BTBD1: variants seen among roughly 807,000 people sequenced by gnomAD.
BTBD1 encodes the protein BTB domain containing 1.
BTBD1 carries 34 observed loss-of-function variants against 48.0 expected under a neutral mutation model. That is an observed-to-expected ratio of 0.71 (90% confidence interval 0.54 to 0.94). The LOEUF is 0.94. Ranked by LOEUF, BTBD1 falls within the 40% of genes least tolerant of loss-of-function variation. The pLI, the probability that BTBD1 is intolerant of heterozygous loss-of-function variation, is 0.00. For missense variants in BTBD1, 543 were observed against 625.6 expected (o/e 0.87, Z 1.41); for synonymous variants, 261 against 242.1 (o/e 1.08, Z -0.72).
At position 83,054,330 on chromosome 15, in the gene BTBD1, C is replaced by T. The variant is rs557736731; in HGVS notation, c.558+2059G>A. ...CCAGGCTGGGCAACAGAGTTAGAAT[C>T]TGCCTCAAAAAAAAGAGAAAAAAGA... On this transcript the variant is annotated intron_variant, in intron 2 of 7. Coordinates refer to ENST00000261721, the MANE Select transcript of BTBD1 (RefSeq NM_025238.4). 2.6e-5 allele frequency among the ~76,000 whole-genome samples: 4 copies of T among 151,944 alleles called. No individual in the cohort carries two copies. The South Asian group carries it at 8.3e-4, about 32-fold the overall frequency.
Position 83,018,693 on chromosome 15 carries a change from T to TA in BTBD1, c.1290+13_1290+14insT, listed in dbSNP as rs780156164. ...CAAGAGGAAACCATCTGGAACATAG[T>TA]GCATGACTCTTACTTTGAGTGTTGC... On this transcript the variant is annotated intron_variant, in intron 7 of 7. Coordinates refer to ENST00000261721, the MANE Select transcript of BTBD1 (RefSeq NM_025238.4). The TA allele has an allele frequency of 6.2e-7, 1 of 1,613,182 alleles. No homozygotes were observed. The highest frequency in any genetic ancestry group is 1.1e-5 in the South Asian group (1 of 90,864).
In BTBD1 at chr15:83,019,871, G is replaced by A. The variant is rs574327365; in HGVS notation, c.1143+804C>T. Among the ~76,000 whole-genome samples the A allele has an allele frequency of 6.7e-5, 10 of 149,246 alleles. 1 individual carries two copies. In the South Asian group the frequency reaches 1.1e-3, roughly 16 times the overall value. Reference sequence around the variant, plus strand: ...TGGCCTCCCAAAGTGCTAGGAGGCCGAGGCAGGAGAATTGTGTGAACCCGG... The same window carrying A: ...TGGCCTCCCAAAGTGCTAGGAGGCCAAGGCAGGAGAATTGTGTGAACCCGG... On this transcript the variant is annotated intron_variant, in intron 6 of 7. Coordinates refer to ENST00000261721, the MANE Select transcript of BTBD1 (RefSeq NM_025238.4).
chr15:83,051,873 T>TACACACAC (rs766997533), intron 2 of BTBD1, among the ~76,000 whole-genome samples: 94 of 23,688 alleles, frequency 4.0e-3, no homozygotes, highest in African/African-American at 0.016. Flanking sequence ...TTTTTCCATA[T>TACACACAC]ATATACACAC....
chr15:83,018,912 A>G, intron 6 of BTBD1, 59 bp from the exon 7 acceptor site: 2 of 1,348,848 alleles, frequency 1.5e-6, no homozygotes, highest in South Asian at 2.4e-5. Context: ...AAACTATAGA[A>G]AATAATATAA....
intron 3 of BTBD1, chr15:83,044,252 G>A (rs1721819861): frequency 1.6e-6 from 1 of 627,976 alleles, no homozygotes; most frequent in East Asian, 2.7e-5. Flanking sequence ...AATATAGGCA[G>A]GTAAAATAAA....
chr15:83,018,646 A>G, intron 7 of BTBD1, 61 bp downstream of exon 7: 2 of 1,576,012 alleles, frequency 1.3e-6, no homozygotes, highest in Non-Finnish European at 1.7e-6. Flanking sequence ...CTCAGCTTCT[A>G]AAACACACAT....
At chr15:83,027,553 C>T (rs867765792) in intron 5 of BTBD1, among the ~76,000 whole-genome samples, 3 of 152,190 alleles carry the variant, frequency 2.0e-5, no homozygotes, top group Non-Finnish European at 4.4e-5. Context: ...CCCTTCTCCA[C>T]CTCTGTAGGA....
At chr15:83,061,015 G>A (rs549694976) in intron 1 of BTBD1, among the ~76,000 whole-genome samples, 4 of 152,300 alleles carry the variant, frequency 2.6e-5, no homozygotes, top group African/African-American at 7.2e-5. Context: ...ACCTTACACA[G>A]TCAGTCATGC....
chr15:83,018,809 G>T lies in BTBD1; in HGVS notation c.1188C>A (p.Thr396=), dbSNP rs559624330. 2 of 1,613,878 alleles carry T rather than the reference G, an allele frequency of 1.2e-6. No individual in the cohort carries two copies. Among genetic ancestry groups the T allele is most frequent in the South Asian group, 2.2e-5 (2 of 91,074 alleles). The change falls in exon 7 of 8, where the codon ACC becomes ACA. Residue 396 remains threonine (T), a synonymous_variant. Coordinates refer to ENST00000261721, the MANE Select transcript of BTBD1 (RefSeq NM_025238.4). ...EKKQTLGQND[T]GFSCDGTANT... is the part of the protein sequence containing the mutation. ...TAGCTGTCCCATCACAACTAAAGCC[G>T]GTATCATTCTGTCCCAGGGTTTGCT...
At chr15:83,061,943 G>T (rs888737282) in intron 1 of BTBD1, 1 of 152,220 alleles carries the variant, frequency 6.6e-6, no homozygotes, top group Non-Finnish European at 1.5e-5. Context: ...CCTGTGGGTG[G>T]AATTTTTACA....
At chr15:83,043,547 G>A (rs561277776) in intron 3 of BTBD1, among the ~76,000 whole-genome samples, 1 of 152,290 alleles carries the variant, frequency 6.6e-6, no homozygotes, top group African/African-American at 2.4e-5. Context: ...ATCAGTTGGA[G>A]GCTCTTGCAT....
In BTBD1 at chr15:83,047,980, G is replaced by T. The variant is rs534048691; in HGVS notation, c.664+2093C>A. Among the ~76,000 whole-genome samples, 39 of 152,308 alleles carry T rather than the reference G, an allele frequency of 2.6e-4. No individual in the cohort carries two copies. In the East Asian group the frequency reaches 7.3e-3, roughly 29 times the overall value. On this transcript the variant is annotated intron_variant, in intron 3 of 7. Coordinates refer to ENST00000261721, the MANE Select transcript of BTBD1 (RefSeq NM_025238.4). ...CATTCTGGCTGCCATGTAGAGAATG[G>T]AGTGTATGGGAGCAAGACTGCATGA...
intron 2 of BTBD1, among the ~76,000 whole-genome samples, chr15:83,053,432 C>T (rs1419650822): frequency 1.3e-5 from 2 of 152,020 alleles, no homozygotes; most frequent in African/African-American, 4.8e-5. Flanking sequence ...ACCTGTTAAT[C>T]CTTGCTACCC....
At chr15:83,045,640 C>T (rs2032863861) in intron 3 of BTBD1, among the ~76,000 whole-genome samples, 2 of 152,086 alleles carry the variant, frequency 1.3e-5, no homozygotes, top group East Asian at 1.9e-4. Flanking sequence ...AGGCTTAATA[C>T]CATGTTAAAA....
Position 83,035,079 on chromosome 15 carries a change from AG to A in BTBD1, c.863-4752del, listed in dbSNP as rs200279540. Among the ~76,000 whole-genome samples the A allele has an allele frequency of 7.9e-5, 12 of 152,292 alleles. No individual in the cohort carries two copies. The East Asian group carries it at 2.3e-3, about 29-fold the overall frequency. On this transcript the variant is annotated intron_variant, in intron 4 of 7. Coordinates refer to ENST00000261721, the MANE Select transcript of BTBD1 (RefSeq NM_025238.4). Reference sequence around the variant, plus strand: ...GAGGCCATGATGGGTGGATCACCTGAGGTCAGGAGTTTGAGACCAGTCTGGC... The same window carrying A: ...GAGGCCATGATGGGTGGATCACCTGAGTCAGGAGTTTGAGACCAGTCTGGC...
At chr15:83,065,816 G>C (rs757528654) in intron 1 of BTBD1, among the ~76,000 whole-genome samples, 1 of 152,252 alleles carries the variant, frequency 6.6e-6, no homozygotes, top group South Asian at 2.1e-4. Context: ...CTTTTCATTA[G>C]ATGTCAATCT....
chr15:83,033,192 A>T (rs2151303719), intron 4 of BTBD1, among the ~76,000 whole-genome samples: 1 of 152,180 alleles, frequency 6.6e-6, no homozygotes, highest in East Asian at 1.9e-4. Flanking sequence ...CCAGCCAGGG[A>T]AACACAGCAG....
intron 4 of BTBD1, among the ~76,000 whole-genome samples, chr15:83,039,385 G>A (rs1409848235): frequency 6.6e-6 from 1 of 152,102 alleles, no homozygotes; most frequent in Non-Finnish European, 1.5e-5. Context: ...TGCTGGCAAG[G>A]CTACAGAGAA....
Position 83,020,694 on chromosome 15 carries a change from TC to T in BTBD1, c.1123del (p.Asp375IlefsTer4). The T allele has an allele frequency of 6.3e-7, 1 of 1,598,766 alleles. No individual in the cohort carries two copies. Among genetic ancestry groups the T allele is most frequent in the Non-Finnish European group, 8.6e-7 (1 of 1,166,856 alleles). On this transcript the variant is annotated frameshift_variant, in exon 6 of 8. Coordinates refer to ENST00000261721, the MANE Select transcript of BTBD1 (RefSeq NM_025238.4). LOFTEE classifies it high-confidence loss of function. ...GLYGSIHGPT[D>X]YQVNIQIIEY... ...CTGTACCTGTATATTCACTTGATAA[TC>T]TGTAGGGCCATGAATAGATCCATAC...
Sources: gnomAD v4.1 joint callset for allele counts (sites outside exome capture counted in the v4.1 genomes callset) on GRCh38, gnomAD v4.1.1 for gene constraint, MANE v1.5 for transcripts, NCBI Gene and HGNC (gene_info 2026-07-23, HGNC 2026-07-21) for gene names.